The following CYB5R1 variants were observed in gnomAD, a reference collection of about 807,000 sequenced individuals.
The protein encoded by CYB5R1 is NADH-cytochrome b5 reductase 1.
CYB5R1 carries 32 observed loss-of-function variants against 37.4 expected under a neutral mutation model. That is an observed-to-expected ratio of 0.86 (90% CI 0.65 to 1.15). The LOEUF (loss-of-function observed/expected upper bound fraction) is 1.15. Ranked by LOEUF, CYB5R1 falls within the 50% of genes most tolerant of loss-of-function variation. CYB5R1 has a pLI of 0.00. For synonymous variants in CYB5R1, 159 were observed against 155.2 expected (o/e 1.02, Z -0.18); for missense variants, 345 against 382.5 (o/e 0.90, Z 0.82).
chr1:202,967,027 C>A, intron 1 of CYB5R1, 129 bp from the exon 2 acceptor site: 2 of 1,433,326 alleles, frequency 1.4e-6, no homozygotes, highest in South Asian at 1.3e-5. Flanking sequence ...GGTAACCTGG[C>A]GGAGTCCCGA....
chr1:202,964,369 A>G, intron 6 of CYB5R1: 1 of 545,634 alleles, frequency 1.8e-6, no homozygotes, highest in Non-Finnish European at 3.3e-6. Flanking sequence ...TAAAACTATT[A>G]GATCCATTCA....
At chr1:202,962,930 T>A (rs753876399) in intron 8 of CYB5R1, 136 bp downstream of exon 8, 1 of 971,386 alleles carries the variant, frequency 1.0e-6, no homozygotes, top group South Asian at 1.3e-5. Context: ...AGGAGATCAC[T>A]GTGTCTGTGC....
chr1:202,965,111 G>C (rs1358685695), intron 5 of CYB5R1: 2 of 436,202 alleles, frequency 4.6e-6, no homozygotes, highest in African/African-American at 2.1e-5. Context: ...ATTTTTGAAG[G>C]TGGGGAAGAG....
chr1:202,966,825 A>G lies in CYB5R1; in HGVS notation c.89T>C (p.Val30Ala). 1 of 1,614,076 alleles carries G rather than the reference A, an allele frequency of 6.2e-7. No individual in the cohort carries two copies. Among genetic ancestry groups the G allele is most frequent in the Non-Finnish European group, 8.5e-7 (1 of 1,179,990 alleles). The change falls in exon 2 of 9, where the codon GTT (valine) becomes GCT (alanine). Residue 30 changes from valine to alanine, a missense_variant. By Grantham distance (64) the Val-to-Ala change is moderately conservative. Transcript: ENST00000367249. ...LLGLAVGSYL[V>A]RRSRRPQVTL... ...GACCTGAGGCCGGCGGGACCTCCGA[A>G]CCAAGTAGGAGCCCACAGCCAGGCC...
Position 202,966,757 on chromosome 1 carries a change from C to G in CYB5R1, c.157G>C (p.Asp53His), listed in dbSNP as rs140808820. 6.8e-6 allele frequency: 11 copies of G among 1,613,894 alleles called. No homozygotes were observed. The highest frequency in any genetic ancestry group is 1.7e-5 in the Admixed American group (1 of 60,002). The change falls in exon 2 of 9, where the codon GAC becomes CAC. Residue 53 changes from aspartate (D) to histidine (H), a missense_variant. Coordinates refer to ENST00000367249, the MANE Select transcript of CYB5R1 (RefSeq NM_016243.3). Reference protein sequence around the residue: ...PNEKYLLRLLDKTTVSHNTKR... With the variant: ...PNEKYLLRLLHKTTVSHNTKR... ...TTTCTTCCCCAACTTACCGTCTTGT[C>G]TAGCAGTCGTAGCAGGTACTTTTCA...
intron 1 of CYB5R1, 115 bp downstream of exon 1, chr1:202,967,076 G>C: frequency 6.9e-7 from 1 of 1,456,144 alleles, no homozygotes; most frequent in Non-Finnish European, 9.4e-7. Context: ...CATCCACGGT[G>C]GGCCCAGAGC....
At chr1:202,967,012 A>T in intron 1 of CYB5R1, 114 bp from the exon 2 acceptor site, 1 of 1,459,742 alleles carries the variant, frequency 6.9e-7, no homozygotes, top group Admixed American at 2.2e-5. Context: ...TGCCAAGGGC[A>T]GAGGGGTAAC....
chr1:202,965,341 G>C, intron 5 of CYB5R1, 30 bp downstream of exon 5: 1 of 1,543,480 alleles, frequency 6.5e-7, no homozygotes, highest in Non-Finnish European at 8.7e-7. Context: ...TAAAGTGGGA[G>C]ACAGGCTCAA....
chr1:202,964,346 C>A, intron 6 of CYB5R1: 1 of 505,128 alleles, frequency 2.0e-6, no homozygotes, highest in South Asian at 2.3e-5. Flanking sequence ...AGCTGCTTCT[C>A]TCTTCTCTCA....
In CYB5R1 at chr1:202,964,814, C is replaced by T. The variant is rs935505108; in HGVS notation, c.476-119G>A. On this transcript the variant is annotated intron_variant, in intron 5 of 8. Transcript: ENST00000367249. Reference sequence around the variant, plus strand: ...TTGAGCAGCTGCTATGACATCTGATCCTGGAGCTTGGGTGGAAGCTTGAGT... The same window carrying T: ...TTGAGCAGCTGCTATGACATCTGATTCTGGAGCTTGGGTGGAAGCTTGAGT... 5.1e-5 allele frequency: 38 copies of T among 749,984 alleles called. No individual in the cohort carries two copies. The Admixed American group carries it at 7.6e-4, about 15-fold the overall frequency. The allele number at this position is 749,984 out of a possible 1,614,324, so 46.5% of individuals were successfully genotyped here.
Position 202,963,196 on chromosome 1 carries a change from G to A in CYB5R1, c.646-31C>T, listed in dbSNP as rs201067717. On this transcript the variant is annotated intron_variant, in intron 7 of 8. Coordinates refer to ENST00000367249, the MANE Select transcript of CYB5R1 (RefSeq NM_016243.3). Reference sequence around the variant, plus strand: ...ATGCAAAGGGGAAGGAAAGTCTTTAGGAGTCTTCTCAGGCCCACATAAAAA... The same window carrying A: ...ATGCAAAGGGGAAGGAAAGTCTTTAAGAGTCTTCTCAGGCCCACATAAAAA... The A allele has an allele frequency of 7.1e-6, 11 of 1,552,486 alleles. No individual in the cohort carries two copies. In the Admixed American group the frequency reaches 1.8e-4, roughly 26 times the overall value.
Position 202,962,241 on chromosome 1 carries a change from A to G in CYB5R1, c.*286T>C, listed in dbSNP as rs1200988666. ...TCAAGGAACTAGCCAATCTTGGACC[A>G]AGCGTACATGCTCCCTTCCTTCTTA... On this transcript the variant is annotated 3_prime_UTR_variant, in exon 9 of 9. Transcript: ENST00000367249. 2.9e-6 allele frequency: 1 copy of G among 348,354 alleles called. No homozygotes were observed. The highest frequency in any genetic ancestry group is 7.2e-5 in the South Asian group (1 of 13,894). 21.6% of individuals were successfully genotyped at this position (348,354 alleles called of 1,614,324 possible). A position where few individuals can be genotyped will look rare whatever the true frequency, so the allele number is the denominator to read the frequency against.
Position 202,966,039 on chromosome 1 carries a change from T to C in CYB5R1, c.239-46A>G, listed in dbSNP as rs373016217. The C allele has an allele frequency of 4.0e-6, 5 of 1,240,250 alleles. No homozygotes were observed. In the African/African-American group the frequency reaches 7.4e-5, roughly 18 times the overall value. The allele number at this position is 1,240,250 out of a possible 1,614,324, so 76.8% of individuals were successfully genotyped here. A position where few individuals can be genotyped will look rare whatever the true frequency, so the allele number is the denominator to read the frequency against. On this transcript the variant is annotated intron_variant, in intron 3 of 8. Coordinates refer to ENST00000367249, the MANE Select transcript of CYB5R1 (RefSeq NM_016243.3). ...TACATAAGGGTTGTCTGTGATGTGC[T>C]GCATCCCTCAAAATACTCAAAGAGA...
In CYB5R1 at chr1:202,966,792, A is replaced by G. The variant is rs776735324; in HGVS notation, c.122T>C (p.Leu41Pro). Residue 41 changes from leucine (L) to proline (P), a missense_variant, in exon 2 of 9, where the codon CTG (leucine) becomes CCG (proline). Transcript: ENST00000367249. Reference protein sequence around the residue: ...RRSRRPQVTLLDPNEKYLLRL... With the variant: ...RRSRRPQVTLPDPNEKYLLRL... ...TAGCAGGTACTTTTCATTGGGGTCC[A>G]GGAGAGTGACCTGAGGCCGGCGGGA... is the stretch of plus-strand genomic sequence containing the variant. 6.2e-7 allele frequency: 1 copy of G among 1,614,042 alleles called. No homozygotes were observed. The highest frequency in any genetic ancestry group is 1.3e-5 in the African/African-American group (1 of 74,914).
chr1:202,967,027 C>T (rs562690537), intron 1 of CYB5R1, 129 bp from the exon 2 acceptor site: 47 of 1,433,322 alleles, frequency 3.3e-5, no homozygotes, highest in East Asian at 2.3e-4. Flanking sequence ...GGTAACCTGG[C>T]GGAGTCCCGA....
chr1:202,966,574 G>T lies in CYB5R1; in HGVS notation c.192C>A (p.Phe64Leu), dbSNP rs761515427. 1.2e-6 allele frequency: 2 copies of T among 1,614,048 alleles called. No individual in the cohort carries two copies. Among genetic ancestry groups the T allele is most frequent in the African/African-American group, 2.7e-5 (2 of 74,898 alleles). ...KTTVSHNTKR[F>L]RFALPTAHHT... ...GGTGGGCGGTGGGCAGGGCAAAGCGGAACCTCTTGGTGTTGTGGCTCACAG... is the reference window on the plus strand; with the variant it reads ...GGTGGGCGGTGGGCAGGGCAAAGCGTAACCTCTTGGTGTTGTGGCTCACAG... Residue 64 changes from phenylalanine (F) to leucine (L), a missense_variant, in exon 3 of 9, where the codon TTC becomes TTA. Phe to Leu is a conservative substitution (Grantham distance 22, BLOSUM62 0). Coordinates refer to ENST00000367249, the MANE Select transcript of CYB5R1 (RefSeq NM_016243.3).
In CYB5R1 at chr1:202,966,751, T is replaced by C; in HGVS notation, c.163A>G (p.Thr55Ala). ...EKYLLRLLDK[T>A]TVSHNTKRFR... ...TGGCCCTTTCTTCCCCAACTTACCG[T>C]CTTGTCTAGCAGTCGTAGCAGGTAC... Residue 55 changes from threonine (T) to alanine (A), a missense_variant and splice_region_variant, in exon 2 of 9, where the codon ACG becomes GCG. Thr to Ala is a moderately conservative substitution (Grantham distance 58). Transcript: ENST00000367249. The C allele has an allele frequency of 6.2e-7, 1 of 1,613,894 alleles. No homozygotes were observed. Among genetic ancestry groups the C allele is most frequent in the Non-Finnish European group, 8.5e-7 (1 of 1,179,860 alleles).
At position 202,966,822 on chromosome 1, in the gene CYB5R1, C is replaced by T. The variant is rs773382094; in HGVS notation, c.92G>A (p.Arg31Gln). The T allele has an allele frequency of 3.7e-6, 6 of 1,614,138 alleles. No individual in the cohort carries two copies. Among genetic ancestry groups the T allele is most frequent in the East Asian group, 2.2e-5 (1 of 44,878 alleles). The change falls in exon 2 of 9, where the codon CGG becomes CAG. Residue 31 changes from arginine (R) to glutamine (Q), a missense_variant. By Grantham distance (43) the Arg-to-Gln change is conservative. Transcript: ENST00000367249. The stretch of plus-strand genomic sequence containing the variant: ...AGTGACCTGAGGCCGGCGGGACCTC[C>T]GAACCAAGTAGGAGCCCACAGCCAG... ...LGLAVGSYLVRRSRRPQVTLL... is the reference protein window; with the variant it reads ...LGLAVGSYLVQRSRRPQVTLL...
rs890445175 is a variant in CYB5R1 at position 202,964,856 on chromosome 1, A to G, written c.476-161T>C. 3.1e-5 allele frequency: 20 copies of G among 648,156 alleles called. No individual in the cohort carries two copies. The Admixed American group carries it at 4.5e-4, about 15-fold the overall frequency. 40.2% of individuals were successfully genotyped at this position (648,156 alleles called of 1,614,324 possible). A position where few individuals can be genotyped will look rare whatever the true frequency, so the allele number is the denominator to read the frequency against. ...AGCTTGAGTTGAGCCAGCCCTGACA[A>G]TAATATAGTTGAGGGACAATGGGGC... On this transcript the variant is annotated intron_variant, in intron 5 of 8. Transcript: ENST00000367249.
Sources: gnomAD v4.1 joint callset for allele counts on GRCh38, gnomAD v4.1.1 for gene constraint, MANE v1.5 for transcripts, NCBI Gene and HGNC (gene_info 2026-07-23, HGNC 2026-07-21) for gene names.